Variants in BICC1 observed in about 807,000 individuals in gnomAD.
BICC1 encodes protein bicaudal C homolog 1.
Under a neutral mutation model 111.0 loss-of-function variants are expected in BICC1, and 43 were observed. The ratio of observed to expected loss-of-function variants is 0.39; its 90% confidence interval spans 0.30 to 0.50. BICC1 has a LOEUF of 0.50. Ranked by LOEUF, BICC1 falls within the 20% of genes least tolerant of loss-of-function variation. The pLI is 0.88. For synonymous variants in BICC1, 467 were observed against 434.4 expected, an observed-to-expected ratio of 1.07 and a Z score of -0.93; for missense variants, 1,091 against 1,203.2, an observed-to-expected ratio of 0.91 and a Z score of 1.38.
At chr10:58,761,658 C>T (rs1196327107) in intron 3 of BICC1, among the ~76,000 whole-genome samples, 3 of 152,142 alleles carry the variant, frequency 2.0e-5, no homozygotes, top group African/African-American at 7.2e-5. Flanking sequence ...CAGTTCAGGT[C>T]AACCTTGAGT....
At chr10:58,807,604 C>T (rs1843748909) in intron 17 of BICC1, among the ~76,000 whole-genome samples, 1 of 152,120 alleles carries the variant, frequency 6.6e-6, no homozygotes, top group South Asian at 2.1e-4. Context: ...CTCAGATGTG[C>T]CAAGAACACA....
Position 58,820,378 on chromosome 10 carries a change from C to G in BICC1, c.2704C>G (p.Gln902Glu). ...DVFQQQEIDL[Q>E]TFLTLTDQDL... ...ACCTTTCTACCCACAGATCGATCTT[C>G]AGACATTCCTCACTCTCACAGATCA... is the stretch of plus-strand genomic sequence containing the variant. Residue 902 changes from glutamine to glutamate, a missense_variant, in exon 20 of 21, where the codon CAG (glutamine) becomes GAG (glutamate). Physicochemically the swap from Gln to Glu is conservative, Grantham distance 29 (BLOSUM62 2). Coordinates refer to ENST00000373886, the MANE Select transcript of BICC1 (RefSeq NM_001080512.3). 6.2e-7 allele frequency: 1 copy of G among 1,610,868 alleles called. No individual in the cohort carries two copies. Among genetic ancestry groups the G allele is most frequent in the Non-Finnish European group, 8.5e-7 (1 of 1,177,508 alleles).
chr10:58,742,769 CT>C (rs1287392062), intron 3 of BICC1, among the ~76,000 whole-genome samples: 3 of 152,082 alleles, frequency 2.0e-5, no homozygotes, highest in African/African-American at 7.2e-5. Context: ...GTGTCAACAG[CT>C]TTGGCTTGAT....
intron 17 of BICC1, among the ~76,000 whole-genome samples, chr10:58,811,495 T>G (rs2132929147): frequency 6.6e-6 from 1 of 152,324 alleles, no homozygotes; most frequent in Middle Eastern, 3.4e-3. Context: ...CTCAGAAAAC[T>G]TCATTTCCCT....
rs1842472205 is a variant in BICC1 at position 58,766,922 on chromosome 10, T to C, written c.308-18079T>C. Among the ~76,000 whole-genome samples the C allele has an allele frequency of 2.0e-5, 3 of 151,568 alleles. No individual in the cohort carries two copies. The South Asian group carries it at 6.3e-4, about 32-fold the overall frequency. On this transcript the variant is annotated intron_variant, in intron 3 of 20. Coordinates refer to ENST00000373886, the MANE Select transcript of BICC1 (RefSeq NM_001080512.3). ...GAACACTGGAGGAGATTAGCATGTC[T>C]GAGTGGCTGAAAGTAGGGAAAGGTG...
chr10:58,774,776 C>A (rs978727331), intron 3 of BICC1, among the ~76,000 whole-genome samples: 17 of 151,902 alleles, frequency 1.1e-4, no homozygotes, highest in Admixed American at 1.0e-3. Context: ...AGACCTTTGC[C>A]GATTTTATTT....
At chr10:58,557,946 A>T (rs1843499237) in intron 1 of BICC1, among the ~76,000 whole-genome samples, 1 of 151,892 alleles carries the variant, frequency 6.6e-6, no homozygotes. Context: ...CGTACTCTTG[A>T]GCTTGTTAAG....
chr10:58,532,457 A>G (rs1236041825), intron 1 of BICC1, among the ~76,000 whole-genome samples: 3 of 151,846 alleles, frequency 2.0e-5, no homozygotes, highest in African/African-American at 7.3e-5. Context: ...TTTATGGTGA[A>G]GCATGGTGGA....
In BICC1 at chr10:58,686,203, T is replaced by C. The variant is rs142730105; in HGVS notation, c.238-15871T>C. ...TGTTGAATATTGGACCCCACTCTAT[T>C]CTGGCTTGTAGAGTTTCTGCCGAGA... On this transcript the variant is annotated intron_variant, in intron 2 of 20. Coordinates refer to ENST00000373886, the MANE Select transcript of BICC1 (RefSeq NM_001080512.3). 4.2e-3 allele frequency among the ~76,000 whole-genome samples: 638 copies of C among 152,360 alleles called. 12 individuals carry two copies. The highest frequency in any genetic ancestry group is 0.015 in the African/African-American group (607 of 41,580).
At chr10:58,719,037 A>T (rs527899348) in intron 3 of BICC1, among the ~76,000 whole-genome samples, 1 of 152,238 alleles carries the variant, frequency 6.6e-6, no homozygotes, top group South Asian at 2.1e-4. Flanking sequence ...TCAGTATGTT[A>T]TTTTGAATTG....
intron 3 of BICC1, among the ~76,000 whole-genome samples, chr10:58,721,421 G>A (rs1840936149): frequency 6.6e-6 from 1 of 152,186 alleles, no homozygotes; most frequent in African/African-American, 2.4e-5. Context: ...TGGAAAAATG[G>A]AATTGGGATT....
At chr10:58,580,564 G>A (rs1380011065) in intron 1 of BICC1, among the ~76,000 whole-genome samples, 1 of 152,120 alleles carries the variant, frequency 6.6e-6, no homozygotes, top group African/African-American at 2.4e-5. Context: ...AAGCATTTTG[G>A]ATAAGGGATA....
chr10:58,589,455 GCTTTA>G (rs1246564538), intron 1 of BICC1, among the ~76,000 whole-genome samples: 4 of 111,946 alleles, frequency 3.6e-5, no homozygotes, highest in African/African-American at 1.2e-4. Context: ...AAGTTATACA[GCTTTA>G]CTTTTTTTTT....
chr10:58,644,231 G>A (rs943846288), intron 2 of BICC1, among the ~76,000 whole-genome samples: 10 of 152,248 alleles, frequency 6.6e-5, no homozygotes, highest in Admixed American at 1.3e-4. Flanking sequence ...TAGGGCACTT[G>A]CTACAGAAGA....
At chr10:58,561,214 T>A (rs940475348) in intron 1 of BICC1, among the ~76,000 whole-genome samples, 3 of 152,086 alleles carry the variant, frequency 2.0e-5, no homozygotes, top group Non-Finnish European at 4.4e-5. Flanking sequence ...TTCATGCTTA[T>A]GTATCTGGGT....
At position 58,528,384 on chromosome 10, in the gene BICC1, TTA is replaced by T. The variant is rs1409366399; in HGVS notation, c.190+15055_190+15056del. Among the ~76,000 whole-genome samples, 15 of 152,064 alleles carry T rather than the reference TTA, an allele frequency of 9.9e-5. No individual in the cohort carries two copies. In the South Asian group the frequency reaches 3.1e-3, roughly 32 times the overall value. On this transcript the variant is annotated intron_variant, in intron 1 of 20. Transcript: ENST00000373886. The stretch of plus-strand genomic sequence containing the variant: ...TTAATTCAAGCGAGGTTAATGTTAA[TTA>T]TATTTGTATCTAATCTGGATTAGTT...
At chr10:58,663,066 C>T (rs377599120) in intron 2 of BICC1, among the ~76,000 whole-genome samples, 3 of 81,708 alleles carry the variant, frequency 3.7e-5, no homozygotes, top group African/African-American at 4.5e-5. Flanking sequence ...TTTTCTTTTT[C>T]TTTTTTTTTT....
intron 1 of BICC1, among the ~76,000 whole-genome samples, chr10:58,548,922 C>G (rs1363390896): frequency 1.3e-5 from 2 of 151,926 alleles, no homozygotes; most frequent in Admixed American, 1.3e-4. Context: ...TGCAGTGGTG[C>G]GATCATGGCT....
At chr10:58,520,437 C>T (rs1307167895) in intron 1 of BICC1, among the ~76,000 whole-genome samples, 2 of 152,098 alleles carry the variant, frequency 1.3e-5, no homozygotes, top group Non-Finnish European at 2.9e-5. Context: ...ATTGTGGGTG[C>T]TATACATTTG....
Sources: gnomAD v4.1 joint callset for allele counts (sites outside exome capture counted in the v4.1 genomes callset) on GRCh38, gnomAD v4.1.1 for gene constraint, MANE v1.5 for transcripts, NCBI Gene and HGNC (gene_info 2026-07-23, HGNC 2026-07-21) for gene names.